The following ADGRB3 variants were observed in gnomAD, a reference collection of about 807,000 sequenced individuals.
ADGRB3 encodes the protein brain-specific angiogenesis inhibitor 3.
ADGRB3 carries 37 observed loss-of-function variants against 193.4 expected under a neutral mutation model. That is an observed-to-expected ratio of 0.19 (90% CI 0.15 to 0.25). The LOEUF is 0.25. Among genes scored for constraint, ADGRB3 ranks in the 10% least tolerant of loss-of-function variants. The pLI, the probability that ADGRB3 is intolerant of heterozygous loss-of-function variation, is 1.00. For synonymous variants in ADGRB3, 690 were observed against 644.2 expected (o/e 1.07, Z -1.08); for missense variants, 1,637 against 1,852.9 (o/e 0.88, Z 2.14).
At chr6:68,801,515 C>T (rs1422292584) in intron 3 of ADGRB3, among the ~76,000 whole-genome samples, 1 of 151,878 alleles carries the variant, frequency 6.6e-6, no homozygotes, top group African/African-American at 2.4e-5. Context: ...TAGCGAAACC[C>T]CATCTCTACT....
At chr6:68,908,086 T>A (rs1766598217) in intron 3 of ADGRB3, among the ~76,000 whole-genome samples, 1 of 151,960 alleles carries the variant, frequency 6.6e-6, no homozygotes, top group South Asian at 2.1e-4. Flanking sequence ...TACAATAATA[T>A]CAACTTTAAT....
chr6:68,640,879 G>A (rs1239697754), intron 3 of ADGRB3, among the ~76,000 whole-genome samples: 1 of 152,168 alleles, frequency 6.6e-6, no homozygotes, highest in Non-Finnish European at 1.5e-5. Flanking sequence ...AGAGAGGGGT[G>A]AAAACCTTAA....
chr6:69,242,728 T>C (rs1162731167), intron 20 of ADGRB3, among the ~76,000 whole-genome samples: 2 of 151,972 alleles, frequency 1.3e-5, no homozygotes, highest in African/African-American at 4.8e-5. Context: ...TTTCTTAAAA[T>C]GCAGTTGTAA....
intron 26 of ADGRB3, among the ~76,000 whole-genome samples, chr6:69,350,273 T>A (rs989299036): frequency 6.7e-6 from 1 of 148,822 alleles, no homozygotes; most frequent in East Asian, 2.0e-4. Flanking sequence ...TTTCTTCACC[T>A]TATTGTGTGA....
intron 20 of ADGRB3, among the ~76,000 whole-genome samples, chr6:69,289,661 A>G (rs1209869889): frequency 1.3e-5 from 2 of 152,100 alleles, no homozygotes; most frequent in African/African-American, 4.8e-5. Context: ...AAGGCATTTG[A>G]TCTTTGGCAA....
rs149927758 is a variant in ADGRB3, at chr6:68,656,773, C to T, written c.757+17341C>T. On this transcript the variant is annotated intron_variant, in intron 3 of 31. Transcript: ENST00000370598. ...CTTCATATTCACATATTTCAGAGTTCCACTCCCAACCCTGCTTTCCACTAG... is the reference window on the plus strand; with the variant it reads ...CTTCATATTCACATATTTCAGAGTTTCACTCCCAACCCTGCTTTCCACTAG... Among the ~76,000 whole-genome samples, 3 of 151,590 alleles carry T rather than the reference C, an allele frequency of 2.0e-5. No individual in the cohort carries two copies. The East Asian group carries it at 5.8e-4, about 30-fold the overall frequency.
intron 17 of ADGRB3, among the ~76,000 whole-genome samples, chr6:69,172,173 G>C (rs1027043814): frequency 6.6e-6 from 1 of 152,138 alleles, no homozygotes; most frequent in African/African-American, 2.4e-5. Flanking sequence ...TTTTATATGA[G>C]AGGAATAAAT....
intron 3 of ADGRB3, among the ~76,000 whole-genome samples, chr6:68,772,888 A>ACAAAC (rs1554191345): frequency 2.7e-4 from 14 of 51,924 alleles, no homozygotes; most frequent in African/African-American, 1.2e-3. Context: ...CAAACAAAAA[A>ACAAAC]AAAAAAATAT....
intron 26 of ADGRB3, among the ~76,000 whole-genome samples, chr6:69,349,188 T>A (rs937006195): frequency 5.9e-5 from 9 of 152,222 alleles, no homozygotes; most frequent in South Asian, 2.1e-4. Context: ...GTATGACACA[T>A]AATGTCCCTT....
chr6:69,210,361 T>C (rs1475404773), intron 17 of ADGRB3, among the ~76,000 whole-genome samples: 1 of 151,418 alleles, frequency 6.6e-6, no homozygotes, highest in South Asian at 2.1e-4. Flanking sequence ...TCTTTTCACA[T>C]TTCTCTGCCT....
At chr6:68,963,934 A>G (rs73465386) in intron 8 of ADGRB3, among the ~76,000 whole-genome samples, 1,542 of 152,254 alleles carry the variant, frequency 0.01, 18 homozygotes, top group African/African-American at 0.033. Context: ...TTCTTCACTG[A>G]GCCTAGTTAA....
chr6:68,979,439 A>G (rs1294256332), intron 10 of ADGRB3, among the ~76,000 whole-genome samples: 1 of 151,470 alleles, frequency 6.6e-6, no homozygotes, highest in Non-Finnish European at 1.5e-5. Context: ...ATACTTATGA[A>G]GTTTATTTGG....
chr6:68,693,410 T>A (rs951197198), intron 3 of ADGRB3, among the ~76,000 whole-genome samples: 21 of 151,850 alleles, frequency 1.4e-4, no homozygotes, highest in Admixed American at 8.5e-4. Context: ...CTCTTAAAAA[T>A]CAAAGCTTGA....
chr6:68,759,852 G>A (rs1766363924), intron 3 of ADGRB3, among the ~76,000 whole-genome samples: 2 of 152,064 alleles, frequency 1.3e-5, no homozygotes, highest in South Asian at 2.1e-4. Context: ...GATGTTAATA[G>A]CATAAATTAT....
At chr6:69,087,747 A>G (rs1231649661) in intron 17 of ADGRB3, among the ~76,000 whole-genome samples, 1 of 152,246 alleles carries the variant, frequency 6.6e-6, no homozygotes, top group Non-Finnish European at 1.5e-5. Flanking sequence ...ATTGGAAAAT[A>G]TCTTAGACAA....
At chr6:68,670,806 T>A (rs998969987) in intron 3 of ADGRB3, among the ~76,000 whole-genome samples, 7 of 152,054 alleles carry the variant, frequency 4.6e-5, no homozygotes, top group African/African-American at 1.7e-4. Context: ...ATGTCATTGG[T>A]ATTTTGATAG....
chr6:68,763,244 T>A (rs1458074304), intron 3 of ADGRB3, among the ~76,000 whole-genome samples: 1 of 152,046 alleles, frequency 6.6e-6, no homozygotes, highest in East Asian at 1.9e-4. Flanking sequence ...GCGCCCACCA[T>A]AATGCCTAGC....
chr6:69,217,228 C>T (rs1030466818), intron 17 of ADGRB3, among the ~76,000 whole-genome samples: 7 of 152,000 alleles, frequency 4.6e-5, no homozygotes, highest in African/African-American at 1.7e-4. Flanking sequence ...TTTTAATAGT[C>T]GGTCATTTGG....
intron 17 of ADGRB3, among the ~76,000 whole-genome samples, chr6:69,178,187 C>T (rs1775481721): frequency 1.3e-5 from 2 of 151,952 alleles, no homozygotes; most frequent in Non-Finnish European, 2.9e-5. Context: ...GATGTAATGC[C>T]CTTATTTGTC....
Sources: allele counts gnomAD v4.1 joint callset (sites outside exome capture counted in the v4.1 genomes callset), GRCh38; gene constraint gnomAD v4.1.1; transcripts MANE v1.5; gene names NCBI Gene and HGNC (gene_info 2026-07-23, HGNC 2026-07-21).